The following RYR2 variants were observed in gnomAD, a reference collection of about 807,000 sequenced individuals.
RYR2 encodes ryanodine receptor 2.
A neutral mutation model predicts 601.1 loss-of-function variants in RYR2; 227 were observed. The ratio of observed to expected loss-of-function variants is 0.38; its 90% confidence interval spans 0.34 to 0.42. RYR2 has a LOEUF of 0.42. RYR2 is among the 10% of genes least tolerant of loss of function. The pLI is 1.00. For missense variants in RYR2, 4,646 were observed against 6,156.5 expected, an observed-to-expected ratio of 0.75 and a Z score of 8.21; for synonymous variants, 2,223 against 2,175.1, an observed-to-expected ratio of 1.02 and a Z score of -0.61.
chr1:237,768,967 G>A (rs574904467), intron 84 of RYR2, among the ~76,000 whole-genome samples: 17 of 152,204 alleles, frequency 1.1e-4, no homozygotes, highest in African/African-American at 3.4e-4. Flanking sequence ...TGTGTGTGTC[G>A]ACAATAAATA....
chr1:237,520,894 G>A (rs532394375), intron 24 of RYR2, among the ~76,000 whole-genome samples: 70 of 152,052 alleles, frequency 4.6e-4, no homozygotes, highest in African/African-American at 1.6e-3. Context: ...AAATTAGCTG[G>A]GTGTGATGGT....
chr1:237,493,183 T>A, intron 19 of RYR2, 96 bp downstream of exon 19: 2 of 1,318,432 alleles, frequency 1.5e-6, no homozygotes, highest in Non-Finnish European at 2.1e-6. Context: ...GTTTTTTAAA[T>A]TAGACCATAT....
At chr1:237,507,759 T>C (rs1665420953) in intron 23 of RYR2, among the ~76,000 whole-genome samples, 1 of 152,256 alleles carries the variant, frequency 6.6e-6, no homozygotes, top group Admixed American at 6.5e-5. Flanking sequence ...CTAAATGCCT[T>C]GGCAGGCATC....
intron 62 of RYR2, among the ~76,000 whole-genome samples, chr1:237,682,946 T>A (rs1433275464): frequency 1.3e-5 from 2 of 152,136 alleles, no homozygotes; most frequent in Non-Finnish European, 2.9e-5. Flanking sequence ...AATAAGGAAA[T>A]GATAAATGAT....
At position 237,046,768 on chromosome 1, in the gene RYR2, G is replaced by A. The variant is rs112011834; in HGVS notation, c.48+4199G>A. On this transcript the variant is annotated intron_variant, in intron 1 of 104. Transcript: ENST00000366574. ...GACTGTGCTTCTTTAGATAGCTTTC[G>A]GGAGAGAGGGAGAGGTGATGAAGCA... 3.3e-5 allele frequency among the ~76,000 whole-genome samples: 5 copies of A among 152,298 alleles called. 1 individual carries two copies. Among genetic ancestry groups the A allele is most frequent in the African/African-American group, 9.6e-5 (4 of 41,566 alleles).
chr1:237,460,612 G>A (rs887993294), intron 16 of RYR2, among the ~76,000 whole-genome samples: 3 of 152,130 alleles, frequency 2.0e-5, no homozygotes, highest in African/African-American at 2.4e-5. Context: ...TAATAAATAC[G>A]TTACAGAGAT....
intron 24 of RYR2, among the ~76,000 whole-genome samples, chr1:237,523,747 AAG>A (rs1491138401): frequency 6.6e-6 from 1 of 152,066 alleles, no homozygotes; most frequent in East Asian, 1.9e-4. Context: ...AAAAAAAAAA[AAG>A]GCAAAAATTG....
intron 2 of RYR2, among the ~76,000 whole-genome samples, chr1:237,317,304 A>G (rs1695211029): frequency 6.6e-6 from 1 of 152,224 alleles, no homozygotes; most frequent in African/African-American, 2.4e-5. Context: ...AACATGGTCA[A>G]AATTAGTTAT....
chr1:237,245,041 C>A (rs1172627684), intron 1 of RYR2, among the ~76,000 whole-genome samples: 1 of 141,366 alleles, frequency 7.1e-6, no homozygotes, highest in Non-Finnish European at 1.6e-5. Flanking sequence ...GACGCTGTCT[C>A]TAAAAAATAA....
intron 1 of RYR2, among the ~76,000 whole-genome samples, chr1:237,192,448 C>T (rs1051542567): frequency 1.3e-5 from 2 of 152,206 alleles, no homozygotes; most frequent in South Asian, 2.1e-4. Context: ...CTCCTGACTT[C>T]AGGTGATCCA....
At chr1:237,646,010 G>A (rs1417374355) in intron 48 of RYR2, among the ~76,000 whole-genome samples, 1 of 151,466 alleles carries the variant, frequency 6.6e-6, no homozygotes, top group African/African-American at 2.4e-5. Flanking sequence ...CCGAGTAGCT[G>A]GGACTACAGG....
At chr1:237,271,016 A>G (rs1689634151) in intron 2 of RYR2, among the ~76,000 whole-genome samples, 1 of 152,218 alleles carries the variant, frequency 6.6e-6, no homozygotes, top group South Asian at 2.1e-4. Context: ...CGAAAAGTCA[A>G]AACTCTAAAT....
At position 237,614,513 on chromosome 1, in the gene RYR2, G is replaced by T. The variant is rs1678245995; in HGVS notation, c.5385G>T (p.Leu1795=). 6.2e-7 allele frequency: 1 copy of T among 1,614,042 alleles called. No individual in the cohort carries two copies. The highest frequency in any genetic ancestry group is 8.5e-7 in the Non-Finnish European group (1 of 1,179,904). ...DILKSKTIQM[L]TEAVKEGSLH... ...TCAAGTCCAAAACCATACAGATGCT[G>T]ACAGAAGCTGTTAAAGAGGGCAGTC... The change falls in exon 37 of 105, where the codon CTG becomes CTT. Residue 1795 remains leucine (L), a synonymous_variant. Transcript: ENST00000366574. The surrounding 1 kb of genome is among the most constrained non-coding windows in gnomAD (Gnocchi z 4.3).
Position 237,388,139 on chromosome 1 carries a change from G to A in RYR2, c.729G>A (p.Glu243=), listed in dbSNP as rs991228259. 2 of 1,613,982 alleles carry A rather than the reference G, an allele frequency of 1.2e-6. No homozygotes were observed. The highest frequency in any genetic ancestry group is 1.7e-6 in the Non-Finnish European group (2 of 1,179,890). ...GGTTGCTGCATGGACACATGGACGA[G>A]TGTCTCACTGTCCCTTCAGGAGAAC... ...VLRLLHGHMD[E]CLTVPSGEHG... Residue 243 remains glutamate (E), a synonymous_variant, in exon 10 of 105, where the codon GAG becomes GAA. Transcript: ENST00000366574.
intron 1 of RYR2, among the ~76,000 whole-genome samples, chr1:237,207,881 G>A (rs1266119715): frequency 5.3e-5 from 8 of 152,198 alleles, no homozygotes; most frequent in Non-Finnish European, 7.3e-5. Flanking sequence ...CTGCAATTAC[G>A]TTTGTATCAA....
At chr1:237,707,381 C>A in intron 68 of RYR2, 112 bp downstream of exon 68, 2 of 587,174 alleles carry the variant, frequency 3.4e-6, no homozygotes, top group Non-Finnish European at 5.5e-6. Context: ...ATTTTCTTTA[C>A]TCAAAAATAT....
At chr1:237,574,894 C>T (rs558921034) in intron 29 of RYR2, among the ~76,000 whole-genome samples, 1 of 152,188 alleles carries the variant, frequency 6.6e-6, no homozygotes. Flanking sequence ...CCCAGCCCTA[C>T]CATGCTGGAC....
At chr1:237,791,541 A>G (rs771883606) in intron 93 of RYR2, 26 bp downstream of exon 93, 17 of 1,134,032 alleles carry the variant, frequency 1.5e-5, no homozygotes, top group Non-Finnish European at 2.2e-5. Context: ...TGTTTTAATT[A>G]CTGGTATAAA....
At chr1:237,670,417 C>G (rs542423956) in intron 58 of RYR2, among the ~76,000 whole-genome samples, 1 of 152,136 alleles carries the variant, frequency 6.6e-6, no homozygotes, top group South Asian at 2.1e-4. Context: ...GATAATATGC[C>G]TGTATTCTAA....
Sources: allele counts gnomAD v4.1 joint callset (sites outside exome capture counted in the v4.1 genomes callset), GRCh38; gene constraint gnomAD v4.1.1; non-coding constraint Gnocchi (gnomAD v3.1); transcripts MANE v1.5; gene names NCBI Gene and HGNC (gene_info 2026-07-23, HGNC 2026-07-21).